Variants in CNTN4 observed in about 807,000 individuals in gnomAD.
CNTN4 encodes the protein contactin-4.
In CNTN4, 77 loss-of-function variants were observed where a neutral mutation model predicts 122.5. The observed-to-expected ratio is 0.63, with a 90% CI of 0.52 to 0.76. The LOEUF is 0.76. CNTN4 is among the 30% of genes least tolerant of loss of function. The pLI, the probability that CNTN4 is intolerant of heterozygous loss-of-function variation, is 0.00. For synonymous variants in CNTN4, 512 were observed against 447.0 expected (o/e 1.15, Z -1.83); for missense variants, 1,256 against 1,259.1 (o/e 1.00, Z 0.04).
intron 2 of CNTN4, among the ~76,000 whole-genome samples, chr3:2,121,980 C>T (rs1045077982): frequency 2.0e-5 from 3 of 151,532 alleles, no homozygotes; most frequent in Admixed American, 6.6e-5. Context: ...GGTGAAACCC[C>T]GTCTCTACTA....
At chr3:2,923,660 T>C (rs1389500253) in intron 12 of CNTN4, among the ~76,000 whole-genome samples, 1 of 152,242 alleles carries the variant, frequency 6.6e-6, no homozygotes, top group African/African-American at 2.4e-5. Flanking sequence ...TTTCATAGCT[T>C]AGCAATCTCA....
intron 10 of CNTN4, among the ~76,000 whole-genome samples, chr3:2,891,013 C>T (rs62234246): frequency 0.1 from 15,878 of 151,836 alleles, 903 homozygotes; most frequent in South Asian, 0.16. Flanking sequence ...TTTTTTATTG[C>T]CTACCATGTG....
chr3:2,948,137 A>G (rs1036461036), intron 13 of CNTN4, among the ~76,000 whole-genome samples: 1 of 152,210 alleles, frequency 6.6e-6, no homozygotes, highest in African/African-American at 2.4e-5. Flanking sequence ...ACAAGTTACT[A>G]TATAAAGGCA....
intron 8 of CNTN4, 34 bp downstream of exon 8, chr3:2,866,983 C>T (rs35239662): frequency 0.033 from 52,494 of 1,570,910 alleles, 1,025 homozygotes; most frequent in Non-Finnish European, 0.041. Context: ...AATTTTGTTT[C>T]TGCAATCACA....
intron 12 of CNTN4, among the ~76,000 whole-genome samples, chr3:2,917,907 A>AT (rs113065177): frequency 0.16 from 23,932 of 150,558 alleles, 1,995 homozygotes; most frequent in Non-Finnish European, 0.19. Context: ...CATGTGAGGC[A>AT]TTTTTTTTTT....
chr3:2,908,856 G>A (rs1232403627), intron 12 of CNTN4, among the ~76,000 whole-genome samples: 2 of 152,218 alleles, frequency 1.3e-5, no homozygotes, highest in East Asian at 3.9e-4. Context: ...CTTCTATCCT[G>A]AGGAAATTAT....
In CNTN4 at chr3:2,301,280, T is replaced by G. The variant is rs146237436; in HGVS notation, c.-144-37898T>G. ...CAAAAATCCATATTAATTTATATCT[T>G]TATGGTCTGCATTATATTTCTTCAT... is the stretch of plus-strand genomic sequence containing the variant. On this transcript the variant is annotated intron_variant, in intron 2 of 24. Coordinates refer to ENST00000418658, the MANE Select transcript of CNTN4 (RefSeq NM_175607.3). Among the ~76,000 whole-genome samples the G allele has an allele frequency of 3.9e-5, 6 of 152,354 alleles. No homozygotes were observed. The East Asian group carries it at 1.2e-3, about 29-fold the overall frequency.
chr3:2,847,404 G>A (rs114798195), intron 7 of CNTN4, among the ~76,000 whole-genome samples: 1,763 of 152,264 alleles, frequency 0.012, 43 homozygotes, highest in African/African-American at 0.039. Flanking sequence ...CATCATCAAA[G>A]AGGGTCAACT....
chr3:3,006,742 A>C (rs1402399272), intron 14 of CNTN4, among the ~76,000 whole-genome samples: 4 of 152,038 alleles, frequency 2.6e-5, no homozygotes, highest in Non-Finnish European at 5.9e-5. Context: ...TCATATACTA[A>C]CTCCAGACGT....
intron 13 of CNTN4, among the ~76,000 whole-genome samples, chr3:2,961,425 A>G (rs1473270865): frequency 6.6e-6 from 1 of 152,050 alleles, no homozygotes. Context: ...ATATTTAGAC[A>G]AGGGATATCT....
rs540546825 is a variant in CNTN4 at position 2,238,809 on chromosome 3, G to C, written c.-144-100369G>C. The C allele has an allele frequency of 2.9e-5, 3 of 104,108 alleles. 1 individual carries two copies. The highest frequency in any genetic ancestry group is 1.2e-4 in the Admixed American group (1 of 8,190). The allele number at this position is 104,108 out of a possible 1,614,324, so 6.4% of individuals were successfully genotyped here. A position where few individuals can be genotyped will look rare whatever the true frequency, so the allele number is the denominator to read the frequency against. ...GTGGCGCCATCTCGGCTCACTGCAAGCTCCGCCTCCCGGGTTCCCGCCATT... is the reference window on the plus strand; with the variant it reads ...GTGGCGCCATCTCGGCTCACTGCAACCTCCGCCTCCCGGGTTCCCGCCATT... On this transcript the variant is annotated intron_variant, in intron 2 of 24. Transcript: ENST00000418658.
chr3:2,408,882 G>C (rs1268437172), intron 3 of CNTN4, among the ~76,000 whole-genome samples: 1 of 152,098 alleles, frequency 6.6e-6, no homozygotes, highest in African/African-American at 2.4e-5. Context: ...CCCTGTTTAT[G>C]ACTTACCTAA....
chr3:3,048,532 G>GTGTGTGTGTGTGTATTTGTGTGTGTGTA (rs1263629244), intron 23 of CNTN4, among the ~76,000 whole-genome samples: 22 of 151,814 alleles, frequency 1.4e-4, no homozygotes, highest in Non-Finnish European at 2.2e-4. Context: ...GTGTGTGTGT[G>GTGTGTGTGTGTGTATTTGTGTGTGTGTA]TGTGTGTGTG....
rs1359417331 is a variant in CNTN4 at position 2,745,621 on chromosome 3, T to C, written c.282T>C (p.Asp94=). Residue 94 remains aspartate, a synonymous_variant, in exon 6 of 25, where the codon GAT becomes GAC. Transcript: ENST00000418658. ...TCAATAACCCCAATAAAACCCAAGA[T>C]GCTGGAACGTACCAGTGCACAGCGA... ...LLINNPNKTQ[D]AGTYQCTATN... 1.2e-6 allele frequency: 2 copies of C among 1,614,074 alleles called. No individual in the cohort carries two copies. Among genetic ancestry groups the C allele is most frequent in the African/African-American group, 2.7e-5 (2 of 74,942 alleles).
intron 3 of CNTN4, among the ~76,000 whole-genome samples, chr3:2,441,737 C>G (rs566900983): frequency 6.6e-6 from 1 of 152,246 alleles, no homozygotes; most frequent in Non-Finnish European, 1.5e-5. Context: ...TCCAGATTTT[C>G]ATCATATTTT....
rs67731967 is a variant in CNTN4, at chr3:2,820,961, C to CTTTT, written c.454+1395_454+1398dup. On this transcript the variant is annotated intron_variant, in intron 7 of 24. Coordinates refer to ENST00000418658, the MANE Select transcript of CNTN4 (RefSeq NM_175607.3). ...TTCTCACATGCAACATTTTCTCTTT[C>CTTTT]TTTTTTTTTTTTTTTTTTGAGACAG... 2.8e-3 allele frequency among the ~76,000 whole-genome samples: 296 copies of CTTTT among 107,548 alleles called. 16 individuals carry two copies. Among genetic ancestry groups the CTTTT allele is most frequent in the African/African-American group, 9.4e-3 (250 of 26,470 alleles). 70.6% of individuals were successfully genotyped at this position (107,548 alleles called of 152,430 possible).
At chr3:2,845,741 G>A (rs2093445698) in intron 7 of CNTN4, among the ~76,000 whole-genome samples, 1 of 152,142 alleles carries the variant, frequency 6.6e-6, no homozygotes, top group Admixed American at 6.5e-5. Flanking sequence ...TACATATGAG[G>A]CTAACAGAGA....
At chr3:2,209,674 T>A (rs2038521123) in intron 2 of CNTN4, among the ~76,000 whole-genome samples, 1 of 113,790 alleles carries the variant, frequency 8.8e-6, no homozygotes, top group Non-Finnish European at 2.3e-5. Flanking sequence ...TTTGACTTTA[T>A]GTTTTATTCA....
At chr3:3,030,185 T>C (rs1699045536) in intron 15 of CNTN4, among the ~76,000 whole-genome samples, 1 of 152,176 alleles carries the variant, frequency 6.6e-6, no homozygotes, top group East Asian at 1.9e-4. Flanking sequence ...CTCACATTTA[T>C]TAAAAGTACT....
Sources: gnomAD v4.1 joint callset for allele counts (sites outside exome capture counted in the v4.1 genomes callset) on GRCh38, gnomAD v4.1.1 for gene constraint, MANE v1.5 for transcripts, NCBI Gene and HGNC (gene_info 2026-07-23, HGNC 2026-07-21) for gene names.